The following MAOB variants were observed in gnomAD, a reference collection of about 807,000 sequenced individuals.
MAOB encodes monoamine oxidase B, also known as amine oxidase [flavin-containing] B.
Under a neutral mutation model 41.9 loss-of-function variants are expected in MAOB, and 15 were observed. The ratio of observed to expected loss-of-function variants is 0.36; its 90% CI spans 0.24 to 0.55. The LOEUF (loss-of-function observed/expected upper bound fraction) is 0.55, where lower values mean the gene tolerates loss of function less well. MAOB is among the 20% of genes least tolerant of loss of function. The pLI, the probability that MAOB is intolerant of heterozygous loss-of-function variation, is 0.86. For synonymous variants in MAOB, 167 were observed against 144.2 expected (o/e 1.16, Z -1.13); for missense variants, 345 against 398.7 (o/e 0.87, Z 1.15).
Position 43,870,952 on chromosome X carries a change from T to G in MAOB, c.46+11302A>C, listed in dbSNP as rs1256933828. Among the ~76,000 whole-genome samples the G allele has an allele frequency of 2.7e-5, 3 of 111,464 alleles. No individual in the cohort carries two copies. The Admixed American group carries it at 2.9e-4, about 11-fold the overall frequency. On this transcript the variant is annotated intron_variant, in intron 1 of 14. Coordinates refer to ENST00000378069, the MANE Select transcript of MAOB (RefSeq NM_000898.5). Reference sequence around the variant, plus strand: ...GCAAAAATGCTGTTCAGTCATCCTCTGTCTAGCTTAGGGTCCCCTGGTAAG... The same window carrying G: ...GCAAAAATGCTGTTCAGTCATCCTCGGTCTAGCTTAGGGTCCCCTGGTAAG...
At chrX:43,807,185 C>T (rs1456840439) in intron 3 of MAOB, among the ~76,000 whole-genome samples, 3 of 112,246 alleles carry the variant, frequency 2.7e-5, no homozygotes, top group Non-Finnish European at 5.6e-5. Context: ...GAGTTCAATA[C>T]ATAAAACTTG....
intron 5 of MAOB, among the ~76,000 whole-genome samples, chrX:43,801,263 A>C (rs2147138019): frequency 9.0e-6 from 1 of 110,710 alleles, no homozygotes; most frequent in African/African-American, 3.3e-5. Context: ...AATTATTAGA[A>C]GCTGAATTTT....
chrX:43,839,027 T>A (rs28754429), intron 2 of MAOB, 22 bp from the exon 3 acceptor site: 1 of 1,102,259 alleles, frequency 9.1e-7, no homozygotes, highest in Non-Finnish European at 1.2e-6. Context: ...TAGGAAAAAA[T>A]TAAAAAAAAT....
chrX:43,825,878 A>G (rs1279470691), intron 3 of MAOB, among the ~76,000 whole-genome samples: 2 of 112,046 alleles, frequency 1.8e-5, no homozygotes, highest in East Asian at 5.6e-4. Context: ...GGAACATAAT[A>G]TATGAATTTT....
At chrX:43,816,150 A>G (rs1338206441) in intron 3 of MAOB, among the ~76,000 whole-genome samples, 1 of 111,901 alleles carries the variant, frequency 8.9e-6, no homozygotes, top group Non-Finnish European at 1.9e-5. Flanking sequence ...GAAAGTTTTA[A>G]AACAGGGAAA....
chrX:43,777,527 C>T (rs917925698), intron 11 of MAOB, among the ~76,000 whole-genome samples: 30 of 111,224 alleles, frequency 2.7e-4, no homozygotes, highest in Admixed American at 9.5e-5. Flanking sequence ...AATGGTGGGG[C>T]GAGGAGGGAG....
At chrX:43,856,186 C>A (rs1229241237) in intron 1 of MAOB, among the ~76,000 whole-genome samples, 2 of 111,171 alleles carry the variant, frequency 1.8e-5, no homozygotes, top group African/African-American at 6.6e-5. Flanking sequence ...TGGGTTCAAG[C>A]AATTCTCCTG....
chrX:43,825,353 T>C (rs1164365475), intron 3 of MAOB, among the ~76,000 whole-genome samples: 1 of 111,174 alleles, frequency 9.0e-6, no homozygotes, highest in East Asian at 2.8e-4. Flanking sequence ...TTCCTCTGGC[T>C]GGAACACTCT....
chrX:43,872,200 G>A (rs2035412589), intron 1 of MAOB, among the ~76,000 whole-genome samples: 1 of 112,000 alleles, frequency 8.9e-6, no homozygotes, highest in Non-Finnish European at 1.9e-5. Context: ...GTAGATAATG[G>A]TAGGCATAAC....
intron 3 of MAOB, among the ~76,000 whole-genome samples, chrX:43,825,621 A>C (rs936075413): frequency 5.4e-5 from 6 of 111,904 alleles, no homozygotes; most frequent in Non-Finnish European, 1.1e-4. Context: ...TGCTATTAAC[A>C]TAATAACATC....
intron 3 of MAOB, among the ~76,000 whole-genome samples, chrX:43,807,556 G>T (rs898998142): frequency 8.9e-6 from 1 of 112,435 alleles, no homozygotes; most frequent in Non-Finnish European, 1.9e-5. Context: ...GTCTCCCTGG[G>T]TTGAGTCATG....
At chrX:43,792,518 A>G (rs767151547) in intron 8 of MAOB, among the ~76,000 whole-genome samples, 1 of 112,208 alleles carries the variant, frequency 8.9e-6, no homozygotes, top group Non-Finnish European at 1.9e-5. Context: ...CCCATTAAAA[A>G]GTAGGCAAAA....
chrX:43,787,765 GA>G (rs1011858804), intron 8 of MAOB, among the ~76,000 whole-genome samples: 3 of 111,746 alleles, frequency 2.7e-5, no homozygotes, highest in South Asian at 7.4e-4. Context: ...TTAGTAGGGG[GA>G]AACCATCATA....
chrX:43,795,638 G>T (rs1193007591), intron 7 of MAOB, 101 bp downstream of exon 7: 4 of 688,196 alleles, frequency 5.8e-6, no homozygotes, highest in Non-Finnish European at 8.6e-6. Context: ...TCAATCATTG[G>T]CATCAAAGGA....
chrX:43,820,244 A>T (rs1018457643), intron 3 of MAOB, among the ~76,000 whole-genome samples: 2 of 112,560 alleles, frequency 1.8e-5, no homozygotes, highest in Non-Finnish European at 3.7e-5. Flanking sequence ...TACTACAAGA[A>T]TTTCATAAAC....
At chrX:43,867,712 C>T (rs947617252) in intron 1 of MAOB, among the ~76,000 whole-genome samples, 3 of 112,101 alleles carry the variant, frequency 2.7e-5, no homozygotes, top group Non-Finnish European at 5.6e-5. Context: ...TAACCAAAGT[C>T]CTTTAGAAAT....
At chrX:43,821,465 G>A (rs1456789417) in intron 3 of MAOB, among the ~76,000 whole-genome samples, 2 of 111,441 alleles carry the variant, frequency 1.8e-5, no homozygotes, top group Non-Finnish European at 3.8e-5. Flanking sequence ...GATGACAGGC[G>A]CGCCCCTTGT....
At chrX:43,808,200 G>A in intron 3 of MAOB, among the ~76,000 whole-genome samples, 1 of 112,160 alleles carries the variant, frequency 8.9e-6, no homozygotes, top group Non-Finnish European at 1.9e-5. Flanking sequence ...GAATCACAAA[G>A]AGATAAAACC....
intron 1 of MAOB, among the ~76,000 whole-genome samples, chrX:43,857,116 T>TAG (rs1163831661): frequency 2.6e-4 from 3 of 11,355 alleles, no homozygotes; most frequent in African/African-American, 3.3e-4. Flanking sequence ...TATATATATA[T>TAG]AGAGAGAGAG....
Sources: allele counts gnomAD v4.1 joint callset (sites outside exome capture counted in the v4.1 genomes callset), GRCh38; gene constraint gnomAD v4.1.1; transcripts MANE v1.5; gene names NCBI Gene and HGNC (gene_info 2026-07-23, HGNC 2026-07-21).